The following TGFBR2 variants were observed in gnomAD, a reference collection of about 807,000 sequenced individuals.
TGFBR2 encodes the protein TGF-beta receptor type-2.
Under a neutral mutation model 49.0 loss-of-function variants are expected in TGFBR2, and 18 were observed. That is an observed-to-expected ratio of 0.37 (90% CI 0.25 to 0.54). TGFBR2 has a LOEUF of 0.54. Among genes scored for constraint, TGFBR2 ranks in the 20% least tolerant of loss-of-function variants. TGFBR2 has a pLI of 0.85. For missense variants in TGFBR2, 525 were observed against 722.6 expected (o/e 0.73, Z 3.13); for synonymous variants, 282 against 275.9 (o/e 1.02, Z -0.22).
chr3:30,648,279 C>G (rs994670995), intron 2 of TGFBR2, among the ~76,000 whole-genome samples: 3 of 152,144 alleles, frequency 2.0e-5, no homozygotes, highest in Non-Finnish European at 4.4e-5. Flanking sequence ...TCTGGAAGAG[C>G]TGCCCAATAA....
intron 1 of TGFBR2, among the ~76,000 whole-genome samples, chr3:30,607,865 AAT>A (rs1180362720): frequency 0.012 from 1,680 of 144,956 alleles, 24 homozygotes; most frequent in South Asian, 0.05. Context: ...ATATAATATT[AAT>A]ATATATATGC....
intron 3 of TGFBR2, among the ~76,000 whole-genome samples, chr3:30,669,317 G>T (rs1699299934): frequency 6.6e-6 from 1 of 151,888 alleles, no homozygotes; most frequent in Non-Finnish European, 1.5e-5. Flanking sequence ...GTAGACTGGG[G>T]TATATAACCT....
intron 1 of TGFBR2, among the ~76,000 whole-genome samples, chr3:30,623,918 G>T (rs1024609950): frequency 1.4e-4 from 21 of 152,166 alleles, no homozygotes; most frequent in African/African-American, 5.1e-4. Flanking sequence ...AAGGTAGGTG[G>T]ATCACCTGAG....
At chr3:30,616,042 C>T (rs766149235) in intron 1 of TGFBR2, among the ~76,000 whole-genome samples, 1 of 152,116 alleles carries the variant, frequency 6.6e-6, no homozygotes, top group African/African-American at 2.4e-5. Flanking sequence ...TGCACCCGGC[C>T]TGTATGCCAT....
intron 3 of TGFBR2, among the ~76,000 whole-genome samples, chr3:30,668,130 T>C (rs1301934907): frequency 6.6e-6 from 1 of 152,222 alleles, no homozygotes; most frequent in African/African-American, 2.4e-5. Context: ...TTGTCAAACC[T>C]TGCTGTAAAA....
chr3:30,628,528 GTTTTTTTTTTTT>G (rs569832149), intron 1 of TGFBR2, among the ~76,000 whole-genome samples: 42 of 80,192 alleles, frequency 5.2e-4, no homozygotes, highest in African/African-American at 1.6e-3. Flanking sequence ...AAGCCTGTGG[GTTTTTTTTTTTT>G]TTTTTTTTTT....
chr3:30,683,738 A>G lies in TGFBR2; in HGVS notation c.1397-4646A>G, dbSNP rs369242032. On this transcript the variant is annotated intron_variant, in intron 5 of 6. Coordinates refer to ENST00000295754, the MANE Select transcript of TGFBR2 (RefSeq NM_003242.6). ...GGACCCAAAGATTTTGCCAAAGTGGATTAAACATCCCAGTCTCCAGCTGCC... is the reference window on the plus strand; with the variant it reads ...GGACCCAAAGATTTTGCCAAAGTGGGTTAAACATCCCAGTCTCCAGCTGCC... 2.0e-5 allele frequency among the ~76,000 whole-genome samples: 3 copies of G among 152,260 alleles called. No individual in the cohort carries two copies. The East Asian group carries it at 5.8e-4, about 29-fold the overall frequency.
intron 3 of TGFBR2, among the ~76,000 whole-genome samples, chr3:30,651,965 G>T (rs1698896925): frequency 6.6e-6 from 1 of 152,188 alleles, no homozygotes; most frequent in Non-Finnish European, 1.5e-5. Flanking sequence ...GCGGCCATGT[G>T]CATTCCACCT....
chr3:30,669,153 G>C (rs143159748), intron 3 of TGFBR2, among the ~76,000 whole-genome samples: 3 of 108,440 alleles, frequency 2.8e-5, no homozygotes, highest in African/African-American at 1.2e-4. Context: ...AAAAAAAAAA[G>C]CTGGGCATAG....
At position 30,671,868 on chromosome 3, in the gene TGFBR2, T is replaced by A. The variant is rs772053650; in HGVS notation, c.685T>A (p.Ser229Thr). The A allele has an allele frequency of 6.2e-7, 1 of 1,614,180 alleles. No homozygotes were observed. The highest frequency in any genetic ancestry group is 8.5e-7 in the Non-Finnish European group (1 of 1,180,036). Residue 229 changes from serine (S) to threonine (T), a missense_variant, in exon 4 of 7, where the codon TCC becomes ACC. By Grantham distance (58) the Ser-to-Thr change is moderately conservative. Transcript: ENST00000295754. ...ILEDDRSDIS[S>T]TCANNINHNT... ...GGAAGATGACCGCTCTGACATCAGC[T>A]CCACGTGTGCCAACAACATCAACCA...
At chr3:30,635,650 G>A (rs907520009) in intron 1 of TGFBR2, among the ~76,000 whole-genome samples, 1 of 152,102 alleles carries the variant, frequency 6.6e-6, no homozygotes, top group Non-Finnish European at 1.5e-5. Flanking sequence ...GAGTTTAAAG[G>A]TACAGCCAAG....
intron 1 of TGFBR2, among the ~76,000 whole-genome samples, chr3:30,624,444 C>T (rs1229638986): frequency 2.0e-5 from 3 of 151,772 alleles, no homozygotes; most frequent in African/African-American, 4.8e-5. Context: ...GGTGAAACCC[C>T]GTCTCTACTA....
chr3:30,656,727 A>G (rs551764406), intron 3 of TGFBR2, among the ~76,000 whole-genome samples: 1 of 152,344 alleles, frequency 6.6e-6, no homozygotes, highest in Non-Finnish European at 1.5e-5. Flanking sequence ...TGAACTGCTT[A>G]TTCTAGAAAA....
intron 3 of TGFBR2, among the ~76,000 whole-genome samples, chr3:30,658,671 C>G (rs1699053713): frequency 6.6e-6 from 1 of 152,284 alleles, no homozygotes. Flanking sequence ...TTCTTGTAGC[C>G]ACAAAGTTTC....
At chr3:30,652,454 G>A (rs1232019986) in intron 3 of TGFBR2, among the ~76,000 whole-genome samples, 3 of 151,978 alleles carry the variant, frequency 2.0e-5, no homozygotes, top group East Asian at 3.9e-4. Context: ...GTCTGGTCTC[G>A]AACTCCTGAC....
chr3:30,652,710 A>G (rs917448668), intron 3 of TGFBR2, among the ~76,000 whole-genome samples: 1 of 152,232 alleles, frequency 6.6e-6, no homozygotes, highest in Non-Finnish European at 1.5e-5. Context: ...ATACCCAGGC[A>G]TGTTTACTAG....
rs945433578 is a variant in TGFBR2, at chr3:30,613,147, T to C, written c.94+6170T>C. Among the ~76,000 whole-genome samples the C allele has an allele frequency of 1.3e-4, 20 of 151,498 alleles. No homozygotes were observed. In the East Asian group the frequency reaches 2.5e-3, roughly 19 times the overall value. ...CATGCAGCTCTTTTTTTTTTTTTTT[T>C]TTCTTCTCTTTTCTGAGGGAATATT... On this transcript the variant is annotated intron_variant, in intron 1 of 6. Coordinates refer to ENST00000295754, the MANE Select transcript of TGFBR2 (RefSeq NM_003242.6).
At chr3:30,641,204 C>T (rs907823730) in intron 1 of TGFBR2, among the ~76,000 whole-genome samples, 12 of 152,136 alleles carry the variant, frequency 7.9e-5, no homozygotes, top group African/African-American at 2.7e-4. Context: ...AGATGATCTA[C>T]AAATTTTGTA....
At chr3:30,607,251 G>A (rs1016296136) in intron 1 of TGFBR2, among the ~76,000 whole-genome samples, 1 of 152,248 alleles carries the variant, frequency 6.6e-6, no homozygotes, top group African/African-American at 2.4e-5. Flanking sequence ...CCGCGTTCGA[G>A]GCGAGCCCCC....
Sources: allele counts gnomAD v4.1 joint callset (sites outside exome capture counted in the v4.1 genomes callset), GRCh38; gene constraint gnomAD v4.1.1; transcripts MANE v1.5; gene names NCBI Gene and HGNC (gene_info 2026-07-23, HGNC 2026-07-21).